Variants in WDR59 observed in about 807,000 individuals in gnomAD.
WDR59 encodes the protein GATOR2 complex protein WDR59.
WDR59 carries 100 observed loss-of-function variants against 131.2 expected under a neutral mutation model. The ratio of observed to expected loss-of-function variants is 0.76; its 90% CI spans 0.65 to 0.90. WDR59 has a LOEUF of 0.90. Among genes scored for constraint, WDR59 ranks in the 40% least tolerant of loss-of-function variants. The pLI is 0.00. For synonymous variants in WDR59, 601 were observed against 466.2 expected, an observed-to-expected ratio of 1.29 and a Z score of -3.72; for missense variants, 1,203 against 1,262.2, an observed-to-expected ratio of 0.95 and a Z score of 0.71.
At chr16:74,921,710 C>T (rs2030246572) in intron 10 of WDR59, among the ~76,000 whole-genome samples, 1 of 152,166 alleles carries the variant, frequency 6.6e-6, no homozygotes, top group Non-Finnish European at 1.5e-5. Flanking sequence ...CATATCTCTT[C>T]CAAGCAAGAG....
intron 1 of WDR59, among the ~76,000 whole-genome samples, chr16:74,971,905 C>T (rs1320460319): frequency 6.6e-6 from 1 of 151,918 alleles, no homozygotes; most frequent in East Asian, 1.9e-4. Context: ...GATGGGGGGT[C>T]GCTATGTAGC....
chr16:74,921,760 A>C (rs910814605), intron 10 of WDR59, among the ~76,000 whole-genome samples, 187 bp downstream of exon 10: 5 of 122,936 alleles, frequency 4.1e-5, no homozygotes, highest in African/African-American at 7.4e-5. Context: ...AGAATTTGGA[A>C]GAGTAACAGC....
rs1323879229 is a variant in WDR59, at chr16:74,874,167, T to C, written c.*42A>G. The C allele has an allele frequency of 1.6e-5, 24 of 1,543,158 alleles. No homozygotes were observed. Among genetic ancestry groups the C allele is most frequent in the Non-Finnish European group, 2.0e-5 (23 of 1,129,490 alleles). Reference sequence around the variant, plus strand: ...ACAGACAGCTTGTCACCGGCACTTATGGGTCCTCTGGGATTTCAGACAATA... The same window carrying C: ...ACAGACAGCTTGTCACCGGCACTTACGGGTCCTCTGGGATTTCAGACAATA... On this transcript the variant is annotated 3_prime_UTR_variant, in exon 26 of 26. Transcript: ENST00000262144.
At chr16:74,937,589 C>T (rs2031903459) in intron 8 of WDR59, among the ~76,000 whole-genome samples, 1 of 152,156 alleles carries the variant, frequency 6.6e-6, no homozygotes, top group South Asian at 2.1e-4. Context: ...GCAACCTTTG[C>T]CTCCCAGGTT....
At chr16:74,898,134 CTT>C (rs1200249889) in intron 18 of WDR59, among the ~76,000 whole-genome samples, 1 of 152,192 alleles carries the variant, frequency 6.6e-6, no homozygotes, top group Non-Finnish European at 1.5e-5. Context: ...TGGAGTCTCT[CTT>C]GTCTCTGCAA....
intron 1 of WDR59, among the ~76,000 whole-genome samples, chr16:74,978,618 G>A (rs1309945573): frequency 2.0e-5 from 3 of 152,212 alleles, no homozygotes; most frequent in African/African-American, 7.2e-5. Flanking sequence ...TGGAGATTGA[G>A]TACACAGGGG....
chr16:74,912,312 A>G lies in WDR59; in HGVS notation c.1275T>C (p.His425=), dbSNP rs1243395984. 4 of 1,614,118 alleles carry G rather than the reference A, an allele frequency of 2.5e-6. No homozygotes were observed. Among genetic ancestry groups the G allele is most frequent in the Non-Finnish European group, 3.4e-6 (4 of 1,180,030 alleles). Residue 425 remains histidine, a synonymous_variant, in exon 14 of 26, where the codon CAT becomes CAC. Coordinates refer to ENST00000262144, the MANE Select transcript of WDR59 (RefSeq NM_030581.4). ...GGAACTTCACCAGCATCTTGACACG[A>G]TGGTTGCTGCAGTGCACAGACACTG... ...SCTVSVHCSN[H]RVKMLVKFPA...
chr16:74,912,851 G>T (rs1966167994), intron 13 of WDR59, among the ~76,000 whole-genome samples: 1 of 152,252 alleles, frequency 6.6e-6, no homozygotes, highest in Non-Finnish European at 1.5e-5. Context: ...CTAGCTATCT[G>T]CAGCAGGAGT....
At chr16:74,937,199 C>T (rs948949012) in intron 8 of WDR59, among the ~76,000 whole-genome samples, 6 of 152,172 alleles carry the variant, frequency 3.9e-5, no homozygotes, top group Admixed American at 3.9e-4. Context: ...AGAGGAAAGA[C>T]AAACAAACAA....
chr16:74,886,138 A>G, intron 24 of WDR59, 132 bp downstream of exon 24: 2 of 1,183,318 alleles, frequency 1.7e-6, no homozygotes, highest in South Asian at 3.2e-5. Context: ...AGATCCCGCC[A>G]CTGCACTCCA....
At chr16:74,897,584 T>C (rs1327451195) in intron 18 of WDR59, among the ~76,000 whole-genome samples, 1 of 152,188 alleles carries the variant, frequency 6.6e-6, no homozygotes, top group East Asian at 1.9e-4. Context: ...TTCTGTTTGA[T>C]CCGTATTGGA....
At chr16:74,898,833 A>T (rs1267794515) in intron 18 of WDR59, among the ~76,000 whole-genome samples, 3 of 152,224 alleles carry the variant, frequency 2.0e-5, no homozygotes, top group Non-Finnish European at 4.4e-5. Flanking sequence ...GTGGAAATTC[A>T]GCAGTCGGGT....
intron 25 of WDR59, among the ~76,000 whole-genome samples, chr16:74,878,019 C>T (rs563984963): frequency 6.6e-6 from 1 of 152,330 alleles, no homozygotes; most frequent in South Asian, 2.1e-4. Flanking sequence ...ACGTCAGCTA[C>T]CTGTATAACT....
At chr16:74,955,007 C>A (rs941930697) in intron 3 of WDR59, among the ~76,000 whole-genome samples, 1 of 152,064 alleles carries the variant, frequency 6.6e-6, no homozygotes. Context: ...GGGTTTTACC[C>A]GGGAGGGATA....
chr16:74,975,245 C>T (rs1485843553), intron 1 of WDR59, among the ~76,000 whole-genome samples: 2 of 151,972 alleles, frequency 1.3e-5, no homozygotes, highest in Non-Finnish European at 2.9e-5. Context: ...CCTGTAATTC[C>T]AGCTACTCGG....
intron 1 of WDR59, among the ~76,000 whole-genome samples, chr16:74,977,854 G>A (rs1251779270): frequency 6.6e-6 from 1 of 152,188 alleles, no homozygotes; most frequent in Non-Finnish European, 1.5e-5. Context: ...TCAGCAAGAA[G>A]AAGGAATGCA....
chr16:74,922,671 GT>G (rs1244027640), intron 9 of WDR59, among the ~76,000 whole-genome samples: 1 of 152,192 alleles, frequency 6.6e-6, no homozygotes, highest in Non-Finnish European at 1.5e-5. Flanking sequence ...GTTCCATTCA[GT>G]TGATAATTAG....
chr16:74,894,377 G>A (rs1332089020), intron 18 of WDR59, among the ~76,000 whole-genome samples: 1 of 152,156 alleles, frequency 6.6e-6, no homozygotes, highest in African/African-American at 2.4e-5. Context: ...CGTTCTCAAT[G>A]TCAAAAATAC....
intron 2 of WDR59, chr16:74,963,283 T>G (rs2033633946): frequency 6.6e-6 from 1 of 151,968 alleles, no homozygotes; most frequent in African/African-American, 2.4e-5. Flanking sequence ...TAAAGATACA[T>G]GCACGCATAT....
Sources: gnomAD v4.1 joint callset for allele counts (sites outside exome capture counted in the v4.1 genomes callset) on GRCh38, gnomAD v4.1.1 for gene constraint, MANE v1.5 for transcripts, NCBI Gene and HGNC (gene_info 2026-07-23, HGNC 2026-07-21) for gene names.